USP49: variants seen among roughly 807,000 people sequenced by gnomAD.
USP49 encodes ubiquitin carboxyl-terminal hydrolase 49.
USP49 carries 24 observed loss-of-function variants against 58.6 expected under a neutral mutation model. The observed-to-expected ratio is 0.41, with a 90% CI of 0.30 to 0.58. The LOEUF is 0.58. Among genes scored for constraint, USP49 ranks in the 20% least tolerant of loss-of-function variants. The probability of loss-of-function intolerance (pLI) is 0.30; values close to 1 mark genes in which losing one functional copy is unlikely to be tolerated. For missense variants in USP49, 703 were observed against 866.1 expected, an observed-to-expected ratio of 0.81 and a Z score of 2.36; for synonymous variants, 408 against 365.1, an observed-to-expected ratio of 1.12 and a Z score of -1.34.
intron 3 of USP49, among the ~76,000 whole-genome samples, chr6:41,836,271 C>T (rs570167923): frequency 1.3e-5 from 2 of 152,130 alleles, no homozygotes; most frequent in Admixed American, 6.5e-5. Flanking sequence ...AAATAAAAAC[C>T]ACATGATCAT....
chr6:41,804,091 A>G, intron 4 of USP49, 81 bp from the exon 5 acceptor site: 1 of 1,289,720 alleles, frequency 7.8e-7, no homozygotes, highest in Non-Finnish European at 1.1e-6. Context: ...TAAAAGACAC[A>G]CTTTATCAAA....
chr6:41,856,910 A>G (rs909486075), intron 3 of USP49, among the ~76,000 whole-genome samples: 4 of 152,208 alleles, frequency 2.6e-5, no homozygotes, highest in African/African-American at 9.7e-5. Flanking sequence ...ATGTATATAC[A>G]GGAAAAACAT....
intron 3 of USP49, among the ~76,000 whole-genome samples, chr6:41,835,821 C>T (rs1773716250): frequency 6.6e-6 from 1 of 151,808 alleles, no homozygotes; most frequent in South Asian, 2.1e-4. Flanking sequence ...TGCCTGTAAT[C>T]CTAGCACTTT....
intron 3 of USP49, among the ~76,000 whole-genome samples, chr6:41,851,536 T>C (rs2127350500): frequency 6.6e-6 from 1 of 152,230 alleles, no homozygotes; most frequent in South Asian, 2.1e-4. Flanking sequence ...TCATACTCAG[T>C]GGTGAAAGAA....
At chr6:41,826,024 G>A (rs1168162220) in intron 3 of USP49, among the ~76,000 whole-genome samples, 1 of 152,228 alleles carries the variant, frequency 6.6e-6, no homozygotes, top group African/African-American at 2.4e-5. Context: ...GGCACTTTGG[G>A]AGACCGAGGC....
chr6:41,827,887 C>T (rs1024351414), intron 3 of USP49, among the ~76,000 whole-genome samples: 2 of 151,998 alleles, frequency 1.3e-5, no homozygotes, highest in Non-Finnish European at 2.9e-5. Flanking sequence ...AATAAACAGG[C>T]TCAGAGAAGT....
chr6:41,806,494 G>A lies in USP49; in HGVS notation c.490C>T (p.Arg164Trp). 3.8e-6 allele frequency: 6 copies of A among 1,598,292 alleles called. No individual in the cohort carries two copies. The highest frequency in any genetic ancestry group is 2.2e-5 in the South Asian group (2 of 90,952). The change falls in exon 4 of 8, where the codon CGG becomes TGG. Residue 164 changes from arginine (R) to tryptophan (W), a missense_variant. By Grantham distance (101) the Arg-to-Trp change is moderately radical (BLOSUM62 -3). Transcript: ENST00000682992. This position sits in a 1 kb window ranked among gnomAD's most constrained non-coding sequence, Gnocchi z 5.9. ...CGCTGCTCCAGCTTCGCCTGGCCCC[G>A]GGAGCTCTTCTCGAACCACAGCCGC... is the stretch of plus-strand genomic sequence containing the variant. ...TLRLWFEKSS[R>W]GQAKLEQRRQ...
intron 3 of USP49, among the ~76,000 whole-genome samples, chr6:41,812,743 A>G (rs933734278): frequency 1.3e-5 from 2 of 152,076 alleles, no homozygotes; most frequent in Non-Finnish European, 2.9e-5. Flanking sequence ...GGGATAAAAG[A>G]CTCTTCATAG....
intron 1 of USP49, among the ~76,000 whole-genome samples, chr6:41,892,550 G>A (rs181918777): frequency 9.9e-5 from 15 of 152,074 alleles, no homozygotes; most frequent in Non-Finnish European, 1.8e-4. Context: ...TACAATCCAG[G>A]AAACAAACCA....
At chr6:41,862,381 T>C (rs936835433) in intron 3 of USP49, among the ~76,000 whole-genome samples, 4 of 152,224 alleles carry the variant, frequency 2.6e-5, no homozygotes, top group African/African-American at 4.8e-5. Flanking sequence ...AAAAATAATA[T>C]ATACATATAT....
At chr6:41,828,245 C>A (rs527911928) in intron 3 of USP49, among the ~76,000 whole-genome samples, 3 of 152,072 alleles carry the variant, frequency 2.0e-5, no homozygotes, top group East Asian at 3.9e-4. Context: ...GAGATCGAGA[C>A]CAACCTGGCC....
intron 2 of USP49, among the ~76,000 whole-genome samples, chr6:41,872,132 G>C (rs1302128195): frequency 6.6e-6 from 1 of 152,164 alleles, no homozygotes; most frequent in African/African-American, 2.4e-5. Context: ...TATATATTCT[G>C]TACACAAGGA....
At chr6:41,802,800 C>T (rs558683635) in intron 5 of USP49, among the ~76,000 whole-genome samples, 43 of 152,210 alleles carry the variant, frequency 2.8e-4, no homozygotes, top group Non-Finnish European at 5.0e-4. Context: ...GTTAGTGTGG[C>T]AAGATGGAAG....
At chr6:41,836,857 GCACACACACACACA>G (rs149924359) in intron 3 of USP49, among the ~76,000 whole-genome samples, 1 of 146,612 alleles carries the variant, frequency 6.8e-6, no homozygotes, top group Non-Finnish European at 1.5e-5. Context: ...ACACACACAC[GCACACACACACACA>G]CACACAAACA....
chr6:41,862,708 T>C (rs1004818455), intron 3 of USP49, among the ~76,000 whole-genome samples: 2 of 152,170 alleles, frequency 1.3e-5, no homozygotes, highest in Non-Finnish European at 2.9e-5. Flanking sequence ...AACAGAGGAA[T>C]ACAGAAGACA....
intron 4 of USP49, among the ~76,000 whole-genome samples, chr6:41,804,219 A>T (rs1773069630): frequency 6.6e-6 from 1 of 152,222 alleles, no homozygotes; most frequent in Non-Finnish European, 1.5e-5. Flanking sequence ...GCTGGAATTT[A>T]AAAACCATAC....
intron 7 of USP49, 175 bp downstream of exon 7, chr6:41,798,549 T>A: frequency 6.6e-7 from 1 of 1,519,254 alleles, no homozygotes; most frequent in Non-Finnish European, 8.8e-7. Flanking sequence ...GCGCTAGGAT[T>A]ACAGGTGTGA....
At chr6:41,876,417 CT>C (rs796968116) in intron 2 of USP49, among the ~76,000 whole-genome samples, 149 of 147,472 alleles carry the variant, frequency 1.0e-3, no homozygotes, top group Admixed American at 2.4e-3. Context: ...TCTAATTGAA[CT>C]TTTTTTTTTT....
At chr6:41,812,249 T>A (rs1167955389) in intron 3 of USP49, among the ~76,000 whole-genome samples, 2 of 151,758 alleles carry the variant, frequency 1.3e-5, no homozygotes, top group Non-Finnish European at 1.5e-5. Context: ...CCGGCTAATT[T>A]TGTATTTTTA....
Sources: gnomAD v4.1 joint callset for allele counts (sites outside exome capture counted in the v4.1 genomes callset) on GRCh38, gnomAD v4.1.1 for gene constraint, Gnocchi (gnomAD v3.1) non-coding constraint, MANE v1.5 for transcripts, NCBI Gene and HGNC (gene_info 2026-07-23, HGNC 2026-07-21) for gene names.